Variants in RAB4A observed in about 807,000 individuals in gnomAD.
RAB4A encodes RAB4A, member RAS oncogene family.
Under a neutral mutation model 34.5 loss-of-function variants are expected in RAB4A, and 20 were observed. That is an observed-to-expected ratio of 0.58 (90% CI 0.41 to 0.84). The LOEUF is 0.84. Ranked by LOEUF, RAB4A falls within the 40% of genes least tolerant of loss-of-function variation. The pLI is 0.00. For missense variants in RAB4A, 228 were observed against 274.5 expected (o/e 0.83, Z 1.20); for synonymous variants, 102 against 100.0 (o/e 1.02, Z -0.12).
At chr1:229,292,621 A>G (rs1445363842) in intron 3 of RAB4A, among the ~76,000 whole-genome samples, 1 of 152,244 alleles carries the variant, frequency 6.6e-6, no homozygotes, top group Non-Finnish European at 1.5e-5. Flanking sequence ...GCTTCAAGCT[A>G]CATGAAGACC....
chr1:229,281,816 T>TATATA (rs1656784925), intron 1 of RAB4A, among the ~76,000 whole-genome samples: 1 of 140,400 alleles, frequency 7.1e-6, no homozygotes, highest in African/African-American at 2.6e-5. Flanking sequence ...CTTATCATAG[T>TATATA]TATATATATA....
At chr1:229,297,165 T>C (rs1657271139) in intron 4 of RAB4A, among the ~76,000 whole-genome samples, 1 of 152,262 alleles carries the variant, frequency 6.6e-6, no homozygotes, top group East Asian at 1.9e-4. Flanking sequence ...TACCAGAGTC[T>C]AGTGCCTTGC....
chr1:229,284,155 A>G lies in RAB4A; in HGVS notation c.32-2331A>G, dbSNP rs529536283. 6.5e-5 allele frequency among the ~76,000 whole-genome samples: 8 copies of G among 123,664 alleles called. No individual in the cohort carries two copies. The East Asian group carries it at 1.8e-3, about 29-fold the overall frequency. The allele number at this position is 123,664 out of a possible 152,430, so 81.1% of individuals were successfully genotyped here. ...TGTTCTGTCGCCCAGGCTGGAGTGC[A>G]GTGGTGCAATCTTGGCCCATTGCAA... On this transcript the variant is annotated intron_variant, in intron 1 of 7. Coordinates refer to ENST00000366690, the MANE Select transcript of RAB4A (RefSeq NM_004578.4).
rs1048710688 is a variant in RAB4A, at chr1:229,282,516, C to T, written c.32-3970C>T. On this transcript the variant is annotated intron_variant, in intron 1 of 7. Transcript: ENST00000366690. ...GTTTTCAGTGCTGTTTCTTAGAGTG[C>T]TTTTTTCAACCACTTTCTCTTTGTC... Among the ~76,000 whole-genome samples the T allele has an allele frequency of 2.0e-5, 3 of 152,144 alleles. No individual in the cohort carries two copies. The East Asian group carries it at 5.8e-4, about 29-fold the overall frequency.
rs1657271021 is a variant in RAB4A at position 229,297,157 on chromosome 1, C to T, written c.291-325C>T. On this transcript the variant is annotated intron_variant, in intron 4 of 7. Transcript: ENST00000366690. ...GCAATTAGCTATGAAATCTTGCCTA[C>T]CAGAGTCTAGTGCCTTGCGCATGCT... is the stretch of plus-strand genomic sequence containing the variant. Among the ~76,000 whole-genome samples, 3 of 152,232 alleles carry T rather than the reference C, an allele frequency of 2.0e-5. 1 individual carries two copies. The highest frequency in any genetic ancestry group is 2.4e-5 in the African/African-American group (1 of 41,474).
intron 1 of RAB4A, among the ~76,000 whole-genome samples, chr1:229,277,014 A>G (rs1656668496): frequency 1.4e-5 from 2 of 146,422 alleles, no homozygotes; most frequent in South Asian, 4.2e-4. Context: ...TATAATATAT[A>G]TAGTTTATAT....
At chr1:229,279,999 A>G (rs1656742983) in intron 1 of RAB4A, among the ~76,000 whole-genome samples, 1 of 152,222 alleles carries the variant, frequency 6.6e-6, no homozygotes, top group Non-Finnish European at 1.5e-5. Flanking sequence ...ATTACTCTGT[A>G]ATATGGCTAT....
chr1:229,297,761 C>T (rs1276896683), intron 5 of RAB4A, 125 bp downstream of exon 5: 5 of 1,123,276 alleles, frequency 4.5e-6, no homozygotes, highest in African/African-American at 1.6e-5. Context: ...GTGGAATTTC[C>T]AATTGTTTTT....
At chr1:229,299,706 G>A (rs1002479692) in intron 6 of RAB4A, among the ~76,000 whole-genome samples, 4 of 152,276 alleles carry the variant, frequency 2.6e-5, no homozygotes, top group Non-Finnish European at 5.9e-5. Flanking sequence ...AAACATCTGA[G>A]TGCCTATTTG....
rs1571816667 is a variant in RAB4A at position 229,271,257 on chromosome 1, C to G, written c.-83C>G. The stretch of plus-strand genomic sequence containing the variant: ...CCCTCCCTCCTCCGGTCCCCCGCCC[C>G]AGGTCCTTCCCCACCGAGACGCGCC... On this transcript the variant is annotated 5_prime_UTR_variant, in exon 1 of 8. Transcript: ENST00000366690. The G allele has an allele frequency of 1.6e-6, 2 of 1,281,864 alleles. No homozygotes were observed. The highest frequency in any genetic ancestry group is 1.6e-5 in the African/African-American group (1 of 63,900). 79.4% of individuals were successfully genotyped at this position (1,281,864 alleles called of 1,614,324 possible). A position where few individuals can be genotyped will look rare whatever the true frequency, so the allele number is the denominator to read the frequency against.
At chr1:229,273,729 A>G (rs1442251530) in intron 1 of RAB4A, among the ~76,000 whole-genome samples, 1 of 152,088 alleles carries the variant, frequency 6.6e-6, no homozygotes. Context: ...ACAGAGTGAG[A>G]CTCTGTCTCA....
At chr1:229,272,016 G>T (rs527916248) in intron 1 of RAB4A, among the ~76,000 whole-genome samples, 20 of 152,218 alleles carry the variant, frequency 1.3e-4, no homozygotes, top group African/African-American at 4.6e-4. Flanking sequence ...GCAAAGCCCT[G>T]GCTGTTTAAT....
rs1369801117 is a variant in RAB4A at position 229,271,760 on chromosome 1, C to CT, written c.31+392dup. On this transcript the variant is annotated intron_variant, in intron 1 of 7. Coordinates refer to ENST00000366690, the MANE Select transcript of RAB4A (RefSeq NM_004578.4). Reference sequence around the variant, plus strand: ...TTATCCCCAGCGAGCCTGTGAAGGGCTTAGGGCGACGCCTGTGTTCCTCAA... The same window carrying CT: ...TTATCCCCAGCGAGCCTGTGAAGGGCTTTAGGGCGACGCCTGTGTTCCTCAA... Among the ~76,000 whole-genome samples the CT allele has an allele frequency of 3.9e-5, 6 of 152,342 alleles. No individual in the cohort carries two copies. The East Asian group carries it at 5.8e-4, about 15-fold the overall frequency.
chr1:229,301,427 T>A (rs1319812755), intron 6 of RAB4A, among the ~76,000 whole-genome samples: 1 of 151,896 alleles, frequency 6.6e-6, no homozygotes, highest in Non-Finnish European at 1.5e-5. Context: ...TATTTTTTTT[T>A]ATCAGAAAGA....
At chr1:229,276,287 C>T (rs1314925712) in intron 1 of RAB4A, among the ~76,000 whole-genome samples, 1 of 151,276 alleles carries the variant, frequency 6.6e-6, no homozygotes, top group Non-Finnish European at 1.5e-5. Context: ...GACCAGCTCC[C>T]GGGCCGTGCA....
intron 1 of RAB4A, among the ~76,000 whole-genome samples, chr1:229,285,857 A>G (rs890642037): frequency 1.3e-5 from 2 of 152,242 alleles, no homozygotes; most frequent in Non-Finnish European, 2.9e-5. Context: ...TCCATTTTAT[A>G]AAAAATAATA....
chr1:229,305,164 C>G lies in RAB4A; in HGVS notation c.*1371C>G. 6.2e-7 allele frequency: 1 copy of G among 1,601,114 alleles called. No homozygotes were observed. The highest frequency in any genetic ancestry group is 8.5e-7 in the Non-Finnish European group (1 of 1,175,008). On this transcript the variant is annotated 3_prime_UTR_variant, in exon 8 of 8. Transcript: ENST00000366690. ...CTAGGATAAAAATATCAGTATGTAT[C>G]TGTTTTAGATATTTTGAGTTTTGCT... is the stretch of plus-strand genomic sequence containing the variant.
chr1:229,276,695 A>G (rs1656660118), intron 1 of RAB4A, among the ~76,000 whole-genome samples: 1 of 151,408 alleles, frequency 6.6e-6, no homozygotes, highest in Non-Finnish European at 1.5e-5. Context: ...GAGTCTTTTG[A>G]GCTGACTTCT....
rs1558242258 is a variant in RAB4A at position 229,302,282 on chromosome 1, TATATATATATATATATATA to T, written c.542-579_542-561del. ...TTATATATATATATATATATATATA[TATATATATATATATATATA>T]TATATATATTTTTTTTTTTTTTTTA... On this transcript the variant is annotated intron_variant, in intron 6 of 7. Transcript: ENST00000366690. 1.9e-3 allele frequency among the ~76,000 whole-genome samples: 36 copies of T among 19,370 alleles called. 1 individual carries two copies. The highest frequency in any genetic ancestry group is 6.6e-3 in the East Asian group (6 of 906). 12.7% of individuals were successfully genotyped at this position (19,370 alleles called of 152,430 possible).
Sources: allele counts gnomAD v4.1 joint callset (sites outside exome capture counted in the v4.1 genomes callset), GRCh38; gene constraint gnomAD v4.1.1; transcripts MANE v1.5; gene names NCBI Gene and HGNC (gene_info 2026-07-23, HGNC 2026-07-21).